NOL4: variants seen among roughly 807,000 people sequenced by gnomAD.
The protein encoded by NOL4 is nucleolar protein 4, also known as cancer/testis antigen 125.
A neutral mutation model predicts 75.9 loss-of-function variants in NOL4; 17 were observed. The observed-to-expected ratio is 0.22, with a 90% CI of 0.15 to 0.34. NOL4 has a LOEUF of 0.34. NOL4 is among the 10% of genes least tolerant of loss of function. The probability of loss-of-function intolerance (pLI) is 1.00; values close to 1 mark genes in which losing one functional copy is unlikely to be tolerated. For missense variants in NOL4, 614 were observed against 793.5 expected (o/e 0.77, Z 2.72); for synonymous variants, 292 against 289.9 (o/e 1.01, Z -0.07).
intron 4 of NOL4, among the ~76,000 whole-genome samples, chr18:34,103,704 T>G (rs1197907656): frequency 6.6e-6 from 1 of 152,052 alleles, no homozygotes; most frequent in African/African-American, 2.4e-5. Context: ...TAAATTTCCT[T>G]AGAATCTCAA....
rs927147604 is a variant in NOL4 at position 34,027,842 on chromosome 18, T to C, written c.773-8241A>G. Among the ~76,000 whole-genome samples the C allele has an allele frequency of 1.8e-4, 28 of 152,156 alleles. 1 individual carries two copies. The highest frequency in any genetic ancestry group is 7.3e-5 in the Non-Finnish European group (5 of 68,028). Reference sequence around the variant, plus strand: ...TTTTATTTTTGTCATAGTAAGAGGATAGCCAAGAAGTAATGTCAGACTGAT... The same window carrying C: ...TTTTATTTTTGTCATAGTAAGAGGACAGCCAAGAAGTAATGTCAGACTGAT... On this transcript the variant is annotated intron_variant, in intron 5 of 10. Transcript: ENST00000261592.
In NOL4 at chr18:33,930,790, T is replaced by C. The variant is rs148031596; in HGVS notation, c.1542+12275A>G. Among the ~76,000 whole-genome samples the C allele has an allele frequency of 2.3e-3, 354 of 152,228 alleles. 6 individuals are homozygous for C. Among genetic ancestry groups the C allele is most frequent in the African/African-American group, 7.2e-3 (301 of 41,550 alleles). On this transcript the variant is annotated intron_variant, in intron 9 of 10. Transcript: ENST00000261592. ...AAACAGAAATTTAATTTATGATAGCTTTTGAAATTAAAAAGAATATAAATG... is the reference window on the plus strand; with the variant it reads ...AAACAGAAATTTAATTTATGATAGCCTTTGAAATTAAAAAGAATATAAATG...
intron 10 of NOL4, among the ~76,000 whole-genome samples, chr18:33,880,293 T>C (rs1387986147): frequency 7.0e-6 from 1 of 142,922 alleles, no homozygotes; most frequent in Non-Finnish European, 1.5e-5. Context: ...GTTTTTGTCA[T>C]GCAAAAGGGG....
At position 33,876,100 on chromosome 18, in the gene NOL4, A is replaced by T. The variant is rs185188145; in HGVS notation, c.1723+7144T>A. ...TGCCTTATCCAACTTCGCTTCTCTT[A>T]AAGTTACAAAGATTTGAACATGAGA... On this transcript the variant is annotated intron_variant, in intron 10 of 10. Transcript: ENST00000261592. Among the ~76,000 whole-genome samples, 42 of 152,198 alleles carry T rather than the reference A, an allele frequency of 2.8e-4. No individual in the cohort carries two copies. The East Asian group carries it at 7.2e-3, about 26-fold the overall frequency.
Position 34,115,653 on chromosome 18 carries a change from T to C in NOL4, c.415-10493A>G, listed in dbSNP as rs1490821099. Among the ~76,000 whole-genome samples the C allele has an allele frequency of 2.0e-5, 3 of 152,128 alleles. No homozygotes were observed. The East Asian group carries it at 5.8e-4, about 29-fold the overall frequency. On this transcript the variant is annotated intron_variant, in intron 2 of 10. Coordinates refer to ENST00000261592, the MANE Select transcript of NOL4 (RefSeq NM_003787.5). ...ATAGGTTTTTTACGCCCTATGTAGATGAAATACTCCCTCCCCAGTAACTTG... is the reference window on the plus strand; with the variant it reads ...ATAGGTTTTTTACGCCCTATGTAGACGAAATACTCCCTCCCCAGTAACTTG...
At chr18:34,041,601 T>C (rs938189645) in intron 5 of NOL4, among the ~76,000 whole-genome samples, 2 of 152,010 alleles carry the variant, frequency 1.3e-5, no homozygotes, top group Admixed American at 1.3e-4. Context: ...GCTGCATTCT[T>C]TAACAAAGCC....
At chr18:34,113,602 A>T (rs897617137) in intron 2 of NOL4, among the ~76,000 whole-genome samples, 1 of 151,890 alleles carries the variant, frequency 6.6e-6, no homozygotes, top group African/African-American at 2.4e-5. Context: ...ATGCTACTGC[A>T]CTCCAGCCTG....
At chr18:33,968,145 G>T (rs2070755328) in intron 6 of NOL4, among the ~76,000 whole-genome samples, 2 of 151,920 alleles carry the variant, frequency 1.3e-5, no homozygotes. Context: ...ATTCTGACGA[G>T]ACAGTAGAGA....
chr18:33,869,417 G>T (rs1469994513), intron 10 of NOL4, among the ~76,000 whole-genome samples: 1 of 151,950 alleles, frequency 6.6e-6, no homozygotes, highest in African/African-American at 2.4e-5. Flanking sequence ...TGAAATTGGG[G>T]TGGGTAGATC....
At chr18:34,038,201 AT>A (rs2075994931) in intron 5 of NOL4, among the ~76,000 whole-genome samples, 2 of 152,138 alleles carry the variant, frequency 1.3e-5, no homozygotes, top group South Asian at 4.1e-4. Context: ...AGATCATCTT[AT>A]CCCAGTCAGA....
At chr18:34,129,129 T>C (rs2080515760) in intron 2 of NOL4, among the ~76,000 whole-genome samples, 1 of 151,922 alleles carries the variant, frequency 6.6e-6, no homozygotes, top group Non-Finnish European at 1.5e-5. Flanking sequence ...TTTAATTAAA[T>C]AAAAAGCTAG....
At chr18:34,036,378 G>A (rs1009104377) in intron 5 of NOL4, among the ~76,000 whole-genome samples, 1 of 151,774 alleles carries the variant, frequency 6.6e-6, no homozygotes, top group Non-Finnish European at 1.5e-5. Flanking sequence ...AAAAACAACA[G>A]ATGCCGAAAA....
chr18:33,897,902 T>A (rs1207822559), intron 9 of NOL4, among the ~76,000 whole-genome samples: 8 of 152,226 alleles, frequency 5.3e-5, no homozygotes, highest in Admixed American at 1.3e-4. Flanking sequence ...CCATTTATTT[T>A]AAAAAATCTC....
At chr18:34,045,054 T>C (rs2076303951) in intron 5 of NOL4, among the ~76,000 whole-genome samples, 1 of 152,158 alleles carries the variant, frequency 6.6e-6, no homozygotes, top group African/African-American at 2.4e-5. Context: ...GTTATTTGGA[T>C]GAAGCCAAAT....
chr18:34,147,772 A>C, intron 1 of NOL4, among the ~76,000 whole-genome samples: 1 of 151,984 alleles, frequency 6.6e-6, no homozygotes, highest in East Asian at 1.9e-4. Flanking sequence ...TATTGTTTGG[A>C]ATAGTTTCAG....
At chr18:34,170,034 G>A (rs886448818) in intron 1 of NOL4, among the ~76,000 whole-genome samples, 1 of 152,048 alleles carries the variant, frequency 6.6e-6, no homozygotes, top group African/African-American at 2.4e-5. Context: ...AAACTCTACT[G>A]GCAATCATAA....
chr18:33,896,807 AG>A (rs2065437184), intron 9 of NOL4, among the ~76,000 whole-genome samples: 1 of 152,210 alleles, frequency 6.6e-6, no homozygotes. Context: ...CCACTGCAAA[AG>A]AAACTATCAA....
intron 5 of NOL4, among the ~76,000 whole-genome samples, chr18:34,026,126 C>T (rs953319321): frequency 6.6e-6 from 1 of 152,288 alleles, no homozygotes; most frequent in East Asian, 1.9e-4. Context: ...TGGTCATTGG[C>T]TGTTTTGTTC....
At chr18:33,963,913 C>T (rs1351596308) in intron 6 of NOL4, among the ~76,000 whole-genome samples, 1 of 152,156 alleles carries the variant, frequency 6.6e-6, no homozygotes, top group African/African-American at 2.4e-5. Flanking sequence ...GTGTTAGACA[C>T]AGCTGCGGTT....
Sources: gnomAD v4.1 joint callset for allele counts (sites outside exome capture counted in the v4.1 genomes callset) on GRCh38, gnomAD v4.1.1 for gene constraint, MANE v1.5 for transcripts, NCBI Gene and HGNC (gene_info 2026-07-23, HGNC 2026-07-21) for gene names.